The following DNAH7 variants were observed in gnomAD, a reference collection of about 807,000 sequenced individuals.
The protein encoded by DNAH7 is dynein axonemal heavy chain 7, also known as axonemal beta dynein heavy chain 7.
In DNAH7, 397 loss-of-function variants were observed where a neutral mutation model predicts 444.6. The observed-to-expected ratio is 0.89, with a 90% CI of 0.82 to 0.97. The LOEUF is 0.97. DNAH7 is among the 50% of genes least tolerant of loss of function. The pLI is 0.00. For synonymous variants in DNAH7, 1,636 were observed against 1,624.4 expected (o/e 1.01, Z -0.17); for missense variants, 4,902 against 4,800.8 (o/e 1.02, Z -0.62).
intron 55 of DNAH7, among the ~76,000 whole-genome samples, chr2:195,798,809 G>T (rs1225759086): frequency 6.6e-6 from 1 of 152,050 alleles, no homozygotes; most frequent in East Asian, 1.9e-4. Flanking sequence ...GCCTCCCAAA[G>T]TGTTGGGATT....
intron 21 of DNAH7, among the ~76,000 whole-genome samples, chr2:195,928,000 G>A (rs1230398741): frequency 6.6e-6 from 1 of 152,006 alleles, no homozygotes; most frequent in Non-Finnish European, 1.5e-5. Context: ...GTGCAGGTTT[G>A]TTACATGGGC....
At chr2:196,011,008 G>T (rs1694697770) in intron 10 of DNAH7, among the ~76,000 whole-genome samples, 1 of 152,124 alleles carries the variant, frequency 6.6e-6, no homozygotes, top group South Asian at 2.1e-4. Context: ...AGGAAGGGCA[G>T]GTTTGGGATG....
intron 63 of DNAH7, among the ~76,000 whole-genome samples, chr2:195,754,027 A>C (rs1418989045): frequency 2.0e-5 from 3 of 152,188 alleles, no homozygotes; most frequent in African/African-American, 7.2e-5. Context: ...TTAACATTTT[A>C]GGAATAACTT....
rs765809888 is a variant in DNAH7, at chr2:195,960,384, T to C, written c.2767A>G (p.Arg923Gly). 1.5e-5 allele frequency: 25 copies of C among 1,614,068 alleles called. No individual in the cohort carries two copies. Among genetic ancestry groups the C allele is most frequent in the Non-Finnish European group, 2.1e-5 (25 of 1,180,040 alleles). ...GCCAAAATAAATGTCCCAGTTTCTC[T>C]ATAAGAATGGATGACAAATTCCACT... ...DAVEFVIHSYRETGTFILASV... is the reference protein window; with the variant it reads ...DAVEFVIHSYGETGTFILASV... The change falls in exon 18 of 65, where the codon AGA (arginine) becomes GGA (glycine). Residue 923 changes from arginine to glycine, a missense_variant. Coordinates refer to ENST00000312428, the MANE Select transcript of DNAH7 (RefSeq NM_018897.3).
At chr2:195,857,091 T>A (rs1312770336) in intron 44 of DNAH7, among the ~76,000 whole-genome samples, 1 of 152,140 alleles carries the variant, frequency 6.6e-6, no homozygotes, top group African/African-American at 2.4e-5. Flanking sequence ...ATTTTTAAAA[T>A]TTTTCCATTT....
At chr2:195,942,426 G>C (rs545741267) in intron 19 of DNAH7, among the ~76,000 whole-genome samples, 10 of 151,224 alleles carry the variant, frequency 6.6e-5, no homozygotes, top group Admixed American at 6.0e-4. Context: ...AGAGGAAGAA[G>C]GAAGAAGATG....
At chr2:195,949,335 G>A (rs1477761629) in intron 19 of DNAH7, among the ~76,000 whole-genome samples, 3 of 151,940 alleles carry the variant, frequency 2.0e-5, no homozygotes, top group Non-Finnish European at 4.4e-5. Context: ...CCTGGCTGGA[G>A]TGCAGTGGCA....
chr2:195,837,158 G>C (rs1452728218), intron 47 of DNAH7, among the ~76,000 whole-genome samples: 3 of 151,826 alleles, frequency 2.0e-5, no homozygotes, highest in African/African-American at 7.3e-5. Flanking sequence ...TTTTTTCCTA[G>C]ATCAAATAAA....
At position 195,855,923 on chromosome 2, in the gene DNAH7, A is replaced by G. The variant is rs114304236; in HGVS notation, c.8483T>C (p.Met2828Thr). ...TGCCTGCTTCTTTCTAAGACCATCC[A>G]TGGCAATTTTAAGCTCCCCTTCAGC... ...AAAEGELKIAMDGLRKKQAAL... is the reference protein window; with the variant it reads ...AAAEGELKIATDGLRKKQAAL... The change falls in exon 45 of 65, where the codon ATG becomes ACG. Residue 2828 changes from methionine to threonine, a missense_variant. Transcript: ENST00000312428. 1,585 of 1,614,002 alleles carry G rather than the reference A, an allele frequency of 9.8e-4. 14 individuals are homozygous for G. The African/African-American group carries it at 0.019, about 19-fold the overall frequency.
At chr2:195,934,522 A>T (rs1688914113) in intron 21 of DNAH7, 69 bp downstream of exon 21, 1 of 1,488,718 alleles carries the variant, frequency 6.7e-7, no homozygotes, top group African/African-American at 1.4e-5. Context: ...TACATTTATC[A>T]ACAGAATATT....
At chr2:195,978,662 T>C (rs754775585) in intron 15 of DNAH7, among the ~76,000 whole-genome samples, 1 of 152,118 alleles carries the variant, frequency 6.6e-6, no homozygotes, top group South Asian at 2.1e-4. Flanking sequence ...GACCCAGTGA[T>C]CTTTCACCTA....
At chr2:195,976,315 T>G (rs1210921546) in intron 15 of DNAH7, among the ~76,000 whole-genome samples, 2 of 152,074 alleles carry the variant, frequency 1.3e-5, no homozygotes, top group Admixed American at 1.3e-4. Flanking sequence ...CCTGTGGTGG[T>G]GGTGGACATA....
At chr2:196,031,395 C>A (rs374455211) in intron 5 of DNAH7, among the ~76,000 whole-genome samples, 12 of 152,332 alleles carry the variant, frequency 7.9e-5, no homozygotes, top group African/African-American at 2.9e-4. Flanking sequence ...CTCTGACATG[C>A]CCTGGAAATA....
chr2:195,921,634 G>C (rs562777979), intron 24 of DNAH7, among the ~76,000 whole-genome samples: 3 of 152,160 alleles, frequency 2.0e-5, no homozygotes, highest in African/African-American at 7.2e-5. Context: ...ACTACACATT[G>C]GGTACAGTGG....
chr2:195,922,171 G>C lies in DNAH7; in HGVS notation c.3852C>G (p.Ile1284Met). 1 of 1,611,542 alleles carries C rather than the reference G, an allele frequency of 6.2e-7. No homozygotes were observed. Among genetic ancestry groups the C allele is most frequent in the Non-Finnish European group, 8.5e-7 (1 of 1,177,864 alleles). Residue 1284 changes from isoleucine to methionine, a missense_variant, in exon 24 of 65, where the codon ATC becomes ATG. Coordinates refer to ENST00000312428, the MANE Select transcript of DNAH7 (RefSeq NM_018897.3). ...CATATCCATATCGCAAACCAGCATT[G>C]ATCATTTTTGTTTCTAAATGATTTT... Reference protein sequence around the residue: ...WQENHLETKMINAGLRYGYEY... With the variant: ...WQENHLETKMMNAGLRYGYEY...
chr2:195,740,467 A>G (rs1692931620), intron 64 of DNAH7, among the ~76,000 whole-genome samples: 1 of 152,012 alleles, frequency 6.6e-6, no homozygotes, highest in African/African-American at 2.4e-5. Context: ...AAATGTTGTG[A>G]CCAAAGAAAG....
At chr2:195,972,139 G>C in intron 16 of DNAH7, 103 bp downstream of exon 16, 1 of 884,162 alleles carries the variant, frequency 1.1e-6, no homozygotes, top group Non-Finnish European at 1.7e-6. Flanking sequence ...GTATGAGAAA[G>C]CTAAAAAAGT....
At chr2:195,983,049 T>G (rs1340391045) in intron 15 of DNAH7, among the ~76,000 whole-genome samples, 1 of 152,142 alleles carries the variant, frequency 6.6e-6, no homozygotes, top group African/African-American at 2.4e-5. Flanking sequence ...CTGATGTGAT[T>G]ATTACACATT....
chr2:195,752,053 T>C (rs1178000880), intron 63 of DNAH7, among the ~76,000 whole-genome samples: 1 of 152,040 alleles, frequency 6.6e-6, no homozygotes, highest in Non-Finnish European at 1.5e-5. Flanking sequence ...AGTGGATTCC[T>C]TGAGCTCAGG....
Sources: gnomAD v4.1 joint callset for allele counts (sites outside exome capture counted in the v4.1 genomes callset) on GRCh38, gnomAD v4.1.1 for gene constraint, MANE v1.5 for transcripts, NCBI Gene and HGNC (gene_info 2026-07-23, HGNC 2026-07-21) for gene names.